DDX60L: variants seen among roughly 807,000 people sequenced by gnomAD.
DDX60L encodes probable ATP-dependent RNA helicase DDX60-like.
Under a neutral mutation model 211.6 loss-of-function variants are expected in DDX60L, and 191 were observed. That is an observed-to-expected ratio of 0.90 (90% CI 0.80 to 1.02). The LOEUF is 1.02. Ranked by LOEUF, DDX60L falls within the 50% of genes least tolerant of loss-of-function variation. The pLI is 0.00. For synonymous variants in DDX60L, 706 were observed against 694.1 expected (o/e 1.02, Z -0.27); for missense variants, 2,007 against 1,984.1 (o/e 1.01, Z -0.22).
chr4:168,472,432 C>T (rs1184174997), intron 3 of DDX60L, 23 bp downstream of exon 3: 11 of 1,519,258 alleles, frequency 7.2e-6, no homozygotes, highest in South Asian at 1.2e-5. Flanking sequence ...ATAGCTCCTT[C>T]TTTTTTACTT....
chr4:168,400,270 TG>T (rs147614919), intron 26 of DDX60L, among the ~76,000 whole-genome samples: 14,843 of 152,226 alleles, frequency 0.098, 1,076 homozygotes, highest in Admixed American at 0.14. Context: ...CTATCATTGA[TG>T]GGCATCTAGG....
In DDX60L at chr4:168,397,309, A is replaced by G. The variant is rs28594627; in HGVS notation, c.3492-1185T>C. 8.9e-3 allele frequency among the ~76,000 whole-genome samples: 1,349 copies of G among 152,362 alleles called. 19 individuals carry two copies. Among genetic ancestry groups the G allele is most frequent in the African/African-American group, 0.03 (1,263 of 41,582 alleles). ...ACTATGTGCCAGGCAATATGCTATT[A>G]CTGAGGGACTCAAAGAAGAATATGC... On this transcript the variant is annotated intron_variant, in intron 26 of 37. Transcript: ENST00000682922.
chr4:168,383,235 T>C (rs1448633608), intron 30 of DDX60L, among the ~76,000 whole-genome samples: 1 of 152,162 alleles, frequency 6.6e-6, no homozygotes, highest in Admixed American at 6.5e-5. Context: ...TGAAGAAACA[T>C]ATAATAATCA....
chr4:168,473,319 C>T (rs755816909), intron 1 of DDX60L, among the ~76,000 whole-genome samples: 3 of 152,180 alleles, frequency 2.0e-5, no homozygotes, highest in African/African-American at 4.8e-5. Flanking sequence ...TACACTTGCA[C>T]GTGGTAAACA....
chr4:168,419,227 C>T, intron 19 of DDX60L, 75 bp downstream of exon 19: 7 of 1,041,024 alleles, frequency 6.7e-6, no homozygotes, highest in Non-Finnish European at 9.4e-6. Flanking sequence ...TGAAAAAGCC[C>T]TATATTCTTT....
chr4:168,370,580 G>A (rs978694109), intron 36 of DDX60L, among the ~76,000 whole-genome samples: 5 of 151,998 alleles, frequency 3.3e-5, no homozygotes, highest in Non-Finnish European at 7.4e-5. Flanking sequence ...CAGAAGAGAG[G>A]TTTTGAACAT....
intron 30 of DDX60L, among the ~76,000 whole-genome samples, chr4:168,382,307 GA>G (rs537639628): frequency 1.7e-3 from 262 of 152,246 alleles, no homozygotes; most frequent in Middle Eastern, 3.4e-3. Context: ...CATTTAGGTA[GA>G]AAAGACTGGA....
chr4:168,479,750 C>G (rs1177823181), intron 1 of DDX60L, among the ~76,000 whole-genome samples: 1 of 150,698 alleles, frequency 6.6e-6, no homozygotes, highest in Non-Finnish European at 1.5e-5. Flanking sequence ...GGGCGGGTCA[C>G]GAGGTCAGGA....
intron 1 of DDX60L, among the ~76,000 whole-genome samples, chr4:168,477,284 A>G (rs370966592): frequency 1.0e-3 from 159 of 152,132 alleles, no homozygotes; most frequent in East Asian, 4.1e-3. Flanking sequence ...GCGTGGTGGC[A>G]GGCGCCTGTA....
At chr4:168,468,912 G>A (rs1758371266) in intron 4 of DDX60L, 1 of 152,142 alleles carries the variant, frequency 6.6e-6, no homozygotes. Context: ...AGCAAAAGAT[G>A]TGCAACGCCT....
At chr4:168,373,082 C>T (rs1207699106) in intron 35 of DDX60L, among the ~76,000 whole-genome samples, 1 of 152,152 alleles carries the variant, frequency 6.6e-6, no homozygotes, top group Admixed American at 6.5e-5. Flanking sequence ...TTAAACGTTA[C>T]ATATGCAAAA....
At chr4:168,401,584 T>C (rs116252944) in intron 25 of DDX60L, among the ~76,000 whole-genome samples, 4 of 152,338 alleles carry the variant, frequency 2.6e-5, no homozygotes, top group African/African-American at 9.6e-5. Flanking sequence ...TCAAATACTT[T>C]AGGGAGTTTG....
rs1346818150 is a variant in DDX60L at position 168,472,769 on chromosome 4, T to C, written c.-70A>G. ...TTTATTAAATATGGCTGATTTATTT[T>C]GACACCTCTAAAATGGCTACATTTG... On this transcript the variant is annotated 5_prime_UTR_variant, in exon 2 of 38. Transcript: ENST00000682922. The C allele has an allele frequency of 6.4e-7, 1 of 1,557,166 alleles. No homozygotes were observed. Among genetic ancestry groups the C allele is most frequent in the Non-Finnish European group, 8.8e-7 (1 of 1,136,408 alleles).
At chr4:168,448,868 G>T in intron 8 of DDX60L, 89 bp from the exon 9 acceptor site, 1 of 1,181,802 alleles carries the variant, frequency 8.5e-7, no homozygotes, top group Non-Finnish European at 1.2e-6. Flanking sequence ...GGTCACAAGG[G>T]ACATTTCTGG....
At chr4:168,405,461 T>C (rs987219692) in intron 24 of DDX60L, among the ~76,000 whole-genome samples, 8 of 152,268 alleles carry the variant, frequency 5.3e-5, no homozygotes, top group Admixed American at 6.5e-5. Flanking sequence ...CTGTCATCTA[T>C]AAATTTGCCT....
At position 168,371,820 on chromosome 4, in the gene DDX60L, C is replaced by T. The variant is rs375388281; in HGVS notation, c.4777-57G>A. On this transcript the variant is annotated intron_variant, in intron 35 of 37. Transcript: ENST00000682922. ...CTGATATGTAAAGAGTAACTGTTTGCAGTTTGAGATTTCCTTTGTATGAAT... is the reference window on the plus strand; with the variant it reads ...CTGATATGTAAAGAGTAACTGTTTGTAGTTTGAGATTTCCTTTGTATGAAT... The T allele has an allele frequency of 2.9e-5, 41 of 1,423,452 alleles. No homozygotes were observed. In the East Asian group the frequency reaches 7.3e-4, roughly 25 times the overall value. 88.2% of individuals were successfully genotyped at this position (1,423,452 alleles called of 1,614,324 possible).
At chr4:168,362,675 C>G (rs973644345) in intron 36 of DDX60L, among the ~76,000 whole-genome samples, 2 of 152,104 alleles carry the variant, frequency 1.3e-5, no homozygotes, top group African/African-American at 4.8e-5. Context: ...GAATTCAATG[C>G]ATTAAGTTTT....
intron 15 of DDX60L, among the ~76,000 whole-genome samples, 191 bp from the exon 16 acceptor site, chr4:168,422,861 G>T (rs1750857579): frequency 6.6e-6 from 1 of 151,852 alleles, no homozygotes; most frequent in Non-Finnish European, 1.5e-5. Context: ...CTGCAGCCTT[G>T]AACTGCTGAG....
In DDX60L at chr4:168,394,603, T is replaced by C. The variant is rs1482902647; in HGVS notation, c.3672A>G (p.Val1224=). The C allele has an allele frequency of 4.4e-6, 7 of 1,598,766 alleles. No homozygotes were observed. The South Asian group carries it at 5.7e-5, about 13-fold the overall frequency. Residue 1224 remains valine (V), a synonymous_variant, in exon 28 of 38, where the codon GTA becomes GTG. Coordinates refer to ENST00000682922, the MANE Select transcript of DDX60L (RefSeq NM_001012967.3). ...TRNKDSTLER[V]LPRVRFTRHG... ...GTCTTGTAAATCGCACTCGCGGTAA[T>C]ACCCTCTCCAAAGTCTAAAACAAGA...
Sources: allele counts gnomAD v4.1 joint callset (sites outside exome capture counted in the v4.1 genomes callset), GRCh38; gene constraint gnomAD v4.1.1; transcripts MANE v1.5; gene names NCBI Gene and HGNC (gene_info 2026-07-23, HGNC 2026-07-21).